MTX2: variants seen among roughly 807,000 people sequenced by gnomAD.
MTX2 encodes metaxin-2.
A neutral mutation model predicts 42.3 loss-of-function variants in MTX2; 35 were observed. The ratio of observed to expected loss-of-function variants is 0.83; its 90% confidence interval spans 0.63 to 1.10. The LOEUF (loss-of-function observed/expected upper bound fraction) is 1.10, where lower values mean the gene tolerates loss of function less well. Among genes scored for constraint, MTX2 ranks in the 50% least tolerant of loss-of-function variants. The pLI, the probability that MTX2 is intolerant of heterozygous loss-of-function variation, is 0.00. For synonymous variants in MTX2, 119 were observed against 100.9 expected, an observed-to-expected ratio of 1.18 and a Z score of -1.08; for missense variants, 307 against 304.1, an observed-to-expected ratio of 1.01 and a Z score of -0.07.
At chr2:176,308,451 G>A (rs1684210060) in intron 3 of MTX2, among the ~76,000 whole-genome samples, 1 of 151,732 alleles carries the variant, frequency 6.6e-6, no homozygotes, top group Non-Finnish European at 1.5e-5. Context: ...GTTTGGAATA[G>A]TTTGAGAAGC....
At chr2:176,285,980 C>T (rs1219648962) in intron 1 of MTX2, among the ~76,000 whole-genome samples, 2 of 152,200 alleles carry the variant, frequency 1.3e-5, no homozygotes, top group Non-Finnish European at 2.9e-5. Flanking sequence ...ATGGTCCCAT[C>T]AGCAACGTGT....
chr2:176,326,927 T>C (rs1463587043), intron 5 of MTX2, 26 bp downstream of exon 5: 2 of 1,320,060 alleles, frequency 1.5e-6, no homozygotes, highest in East Asian at 4.8e-5. Context: ...TAAATGTATT[T>C]GATCAGTTAC....
At chr2:176,286,433 C>G (rs1318303049) in intron 1 of MTX2, among the ~76,000 whole-genome samples, 1 of 152,048 alleles carries the variant, frequency 6.6e-6, no homozygotes, top group East Asian at 1.9e-4. Context: ...CTTCCTTTTT[C>G]TGTGTTTTCA....
At chr2:176,314,104 T>C (rs1209159615) in intron 3 of MTX2, among the ~76,000 whole-genome samples, 6 of 152,046 alleles carry the variant, frequency 3.9e-5, no homozygotes, top group Admixed American at 2.0e-4. Context: ...TTAAAAAGTG[T>C]TGTAGAGTCT....
intron 3 of MTX2, among the ~76,000 whole-genome samples, chr2:176,303,625 A>G (rs1684077702): frequency 6.6e-6 from 1 of 152,112 alleles, no homozygotes; most frequent in African/African-American, 2.4e-5. Flanking sequence ...ATAATTGTGA[A>G]CTTAAATTGC....
intron 3 of MTX2, among the ~76,000 whole-genome samples, chr2:176,301,782 A>T (rs923076052): frequency 6.6e-6 from 1 of 152,202 alleles, no homozygotes; most frequent in African/African-American, 2.4e-5. Context: ...TTAATAGTTT[A>T]CATTAAGGAG....
intron 3 of MTX2, among the ~76,000 whole-genome samples, chr2:176,298,265 T>G (rs1683939251): frequency 6.6e-6 from 1 of 152,096 alleles, no homozygotes; most frequent in Non-Finnish European, 1.5e-5. Context: ...TCGTTAAGAT[T>G]TATTTATCAC....
intron 1 of MTX2, among the ~76,000 whole-genome samples, chr2:176,275,241 ATT>A (rs200488729): frequency 1.4e-5 from 2 of 145,408 alleles, no homozygotes; most frequent in African/African-American, 2.5e-5. Context: ...TGGATTTAGA[ATT>A]TTTTTTTTTT....
chr2:176,277,156 G>T (rs900853508), intron 1 of MTX2, among the ~76,000 whole-genome samples: 3 of 152,106 alleles, frequency 2.0e-5, no homozygotes, highest in African/African-American at 7.2e-5. Context: ...TTTTTATATT[G>T]GTAATAAAGT....
intron 4 of MTX2, among the ~76,000 whole-genome samples, chr2:176,326,116 C>G (rs568713254): frequency 1.3e-5 from 2 of 151,834 alleles, no homozygotes; most frequent in South Asian, 4.1e-4. Flanking sequence ...GTTCTCTCAT[C>G]TCTAATAATT....
rs138150394 is a variant in MTX2 at position 176,269,883 on chromosome 2, C to A, written c.40+214C>A. Among the ~76,000 whole-genome samples the A allele has an allele frequency of 8.6e-3, 1,307 of 152,188 alleles. 23 individuals are homozygous for A. The highest frequency in any genetic ancestry group is 0.03 in the African/African-American group (1,230 of 41,522). ...GGTCACCCCGCAGGAGCAGGAGTCC[C>A]GTCTCCTTCCCTTGGGCGGTACTTT... On this transcript the variant is annotated intron_variant, in intron 1 of 9. Coordinates refer to ENST00000249442, the MANE Select transcript of MTX2 (RefSeq NM_006554.5).
chr2:176,306,145 A>G (rs1367239971), intron 3 of MTX2, among the ~76,000 whole-genome samples: 4 of 151,232 alleles, frequency 2.6e-5, no homozygotes, highest in African/African-American at 7.3e-5. Flanking sequence ...ATTCCCATCT[A>G]TGAGTGAGAA....
chr2:176,312,042 G>A (rs1274384345), intron 3 of MTX2, among the ~76,000 whole-genome samples: 2 of 152,180 alleles, frequency 1.3e-5, no homozygotes, highest in Non-Finnish European at 2.9e-5. Context: ...GCAGTTGTGT[G>A]CAGATCATTA....
intron 3 of MTX2, 64 bp downstream of exon 3, chr2:176,297,959 C>A (rs1040222724): frequency 1.0e-5 from 13 of 1,278,496 alleles, no homozygotes; most frequent in Middle Eastern, 2.0e-4. Flanking sequence ...TTTTGACTTG[C>A]AGTTATATTT....
Position 176,306,055 on chromosome 2 carries a change from C to A in MTX2, c.135+8160C>A, listed in dbSNP as rs559993822. On this transcript the variant is annotated intron_variant, in intron 3 of 9. Transcript: ENST00000249442. ...ATTAGGTATTTCTCCTAATGCTATCCCTCCCCCAGCACCCCCACCCCCTGA... is the reference window on the plus strand; with the variant it reads ...ATTAGGTATTTCTCCTAATGCTATCACTCCCCCAGCACCCCCACCCCCTGA... Among the ~76,000 whole-genome samples the A allele has an allele frequency of 2.2e-4, 33 of 152,050 alleles. 1 individual carries two copies. In the South Asian group the frequency reaches 6.7e-3, roughly 31 times the overall value.
Position 176,330,681 on chromosome 2 carries a change from A to G in MTX2, c.620+21A>G, listed in dbSNP as rs1468822608. 6 of 1,562,886 alleles carry G rather than the reference A, an allele frequency of 3.8e-6. No homozygotes were observed. In the East Asian group the frequency reaches 1.4e-4, roughly 35 times the overall value. ...AAGCAGTAAGAAATTTTACTTTTTT[A>G]AAGTTAATTTTCTGTACTGTTAGGT... On this transcript the variant is annotated intron_variant, in intron 9 of 9. Transcript: ENST00000249442.
Position 176,337,856 on chromosome 2 carries a change from G to A in MTX2, c.*192G>A, listed in dbSNP as rs1390809287. On this transcript the variant is annotated 3_prime_UTR_variant, in exon 10 of 10. Coordinates refer to ENST00000249442, the MANE Select transcript of MTX2 (RefSeq NM_006554.5). The stretch of plus-strand genomic sequence containing the variant: ...AAAATAATTCTGAATTATTTAATCT[G>A]ATATGTTGTATTCTGTATCTTGAAA... 2.3e-6 allele frequency: 1 copy of A among 436,982 alleles called. No homozygotes were observed. Among genetic ancestry groups the A allele is most frequent in the Non-Finnish European group, 3.8e-6 (1 of 261,356 alleles). 27.1% of individuals were successfully genotyped at this position (436,982 alleles called of 1,614,324 possible). A position where few individuals can be genotyped will look rare whatever the true frequency, so the allele number is the denominator to read the frequency against.
chr2:176,273,839 T>C (rs1692880853), intron 1 of MTX2, among the ~76,000 whole-genome samples: 2 of 152,272 alleles, frequency 1.3e-5, no homozygotes, highest in Non-Finnish European at 2.9e-5. Context: ...CCAGTCTGGC[T>C]TCCTTCCAGT....
chr2:176,287,003 GT>G (rs1558927015), intron 1 of MTX2, among the ~76,000 whole-genome samples: 3 of 152,056 alleles, frequency 2.0e-5, no homozygotes, highest in South Asian at 4.1e-4. Context: ...TGTCGTGTAT[GT>G]TTTTTTCTTG....
Sources: allele counts gnomAD v4.1 joint callset (sites outside exome capture counted in the v4.1 genomes callset), GRCh38; gene constraint gnomAD v4.1.1; transcripts MANE v1.5; gene names NCBI Gene and HGNC (gene_info 2026-07-23, HGNC 2026-07-21).